The following CALN1 variants were observed in gnomAD, a reference collection of about 807,000 sequenced individuals.
The protein encoded by CALN1 is calcium-binding protein 8.
A neutral mutation model predicts 30.6 loss-of-function variants in CALN1; 17 were observed. The observed-to-expected ratio is 0.56, with a 90% CI of 0.38 to 0.83. The LOEUF (loss-of-function observed/expected upper bound fraction) is 0.83. CALN1 is among the 40% of genes least tolerant of loss of function. The probability of loss-of-function intolerance (pLI) is 0.00; values close to 1 mark genes in which losing one functional copy is unlikely to be tolerated. For synonymous variants in CALN1, 156 were observed against 131.4 expected (o/e 1.19, Z -1.28); for missense variants, 291 against 354.9 (o/e 0.82, Z 1.45).
At chr7:71,985,172 A>G (rs930236411) in intron 5 of CALN1, among the ~76,000 whole-genome samples, 2 of 152,190 alleles carry the variant, frequency 1.3e-5, no homozygotes, top group East Asian at 1.9e-4. Flanking sequence ...CAACTGGCCA[A>G]TAAAGACGGG....
rs563562649 is a variant in CALN1, at chr7:71,803,192, T to C, written c.658+7144A>G. 6.6e-5 allele frequency among the ~76,000 whole-genome samples: 10 copies of C among 152,076 alleles called. No homozygotes were observed. In the East Asian group the frequency reaches 1.5e-3, roughly 24 times the overall value. On this transcript the variant is annotated intron_variant, in intron 6 of 6. Transcript: ENST00000395275. Reference sequence around the variant, plus strand: ...TCTAATACTATGTAATGCCAGAGAGTTCCTGAATTCAGAGGGGTGAAATGA... The same window carrying C: ...TCTAATACTATGTAATGCCAGAGAGCTCCTGAATTCAGAGGGGTGAAATGA...
chr7:72,308,475 TC>T (rs1319156944), intron 2 of CALN1, among the ~76,000 whole-genome samples: 1 of 150,652 alleles, frequency 6.6e-6, no homozygotes, highest in African/African-American at 2.5e-5. Flanking sequence ...TGCAATGCCC[TC>T]CCAGTGTCAA....
intron 5 of CALN1, among the ~76,000 whole-genome samples, chr7:71,983,338 A>T (rs1385322384): frequency 6.6e-6 from 1 of 152,218 alleles, no homozygotes; most frequent in Non-Finnish European, 1.5e-5. Flanking sequence ...AAATGAGAAG[A>T]GGGTTAATCT....
intron 5 of CALN1, among the ~76,000 whole-genome samples, chr7:71,872,490 G>A (rs1000159924): frequency 6.6e-6 from 1 of 152,064 alleles, no homozygotes; most frequent in African/African-American, 2.4e-5. Context: ...CCTCAGAGAC[G>A]GTTAATGTCA....
chr7:72,209,688 T>G (rs1792252967), intron 3 of CALN1, among the ~76,000 whole-genome samples: 1 of 152,126 alleles, frequency 6.6e-6, no homozygotes, highest in African/African-American at 2.4e-5. Flanking sequence ...CTCTCTACAC[T>G]TTGGCTATCG....
intron 1 of CALN1, among the ~76,000 whole-genome samples, chr7:72,428,336 C>T (rs760798913): frequency 4.0e-4 from 61 of 151,460 alleles, no homozygotes; most frequent in South Asian, 8.4e-4. Flanking sequence ...GAAAGGGAGG[C>T]GATTTTTGGA....
At position 72,355,273 on chromosome 7, in the gene CALN1, C is replaced by T. The variant is rs556362088; in HGVS notation, c.119+47978G>A. Among the ~76,000 whole-genome samples, 66 of 152,332 alleles carry T rather than the reference C, an allele frequency of 4.3e-4. 1 individual carries two copies. In the East Asian group the frequency reaches 0.012, roughly 29 times the overall value. On this transcript the variant is annotated intron_variant, in intron 2 of 6. Coordinates refer to ENST00000395275, the MANE Select transcript of CALN1 (RefSeq NM_031468.4). ...GGCCGCTGTGGCTAACACCTATAATCTCAGCACTTGGGGAGGCCAAAGCGG... is the reference window on the plus strand; with the variant it reads ...GGCCGCTGTGGCTAACACCTATAATTTCAGCACTTGGGGAGGCCAAAGCGG...
chr7:72,155,449 G>A (rs374076803), intron 3 of CALN1, among the ~76,000 whole-genome samples: 1 of 149,266 alleles, frequency 6.7e-6, no homozygotes, highest in Non-Finnish European at 1.5e-5. Context: ...CCGAGATCAC[G>A]CCACTGCACT....
At chr7:72,224,020 G>GC (rs1473183149) in intron 3 of CALN1, among the ~76,000 whole-genome samples, 1 of 152,096 alleles carries the variant, frequency 6.6e-6, no homozygotes, top group Non-Finnish European at 1.5e-5. Context: ...AGGGAGGAAG[G>GC]CAAGGGTTAA....
At chr7:72,403,200 T>C in intron 2 of CALN1, 51 bp downstream of exon 2, 1 of 1,459,296 alleles carries the variant, frequency 6.9e-7, no homozygotes, top group East Asian at 2.5e-5. Flanking sequence ...ACCCCCTACC[T>C]GAGGGCTGCC....
At chr7:72,009,841 C>T (rs565097170) in intron 5 of CALN1, among the ~76,000 whole-genome samples, 94 of 152,192 alleles carry the variant, frequency 6.2e-4, no homozygotes, top group Non-Finnish European at 1.2e-3. Context: ...TCCCCAGCCA[C>T]GTGGAAACGT....
At chr7:71,961,329 T>TA (rs1452522633) in intron 5 of CALN1, among the ~76,000 whole-genome samples, 2 of 152,188 alleles carry the variant, frequency 1.3e-5, no homozygotes, top group African/African-American at 2.4e-5. Context: ...TAAAGACAGA[T>TA]ATTTACATCC....
At chr7:71,875,970 C>A (rs535996695) in intron 5 of CALN1, among the ~76,000 whole-genome samples, 1 of 152,140 alleles carries the variant, frequency 6.6e-6, no homozygotes, top group Non-Finnish European at 1.5e-5. Flanking sequence ...CAAGAGGAGA[C>A]CTCACCCCAA....
intron 6 of CALN1, among the ~76,000 whole-genome samples, chr7:71,790,867 G>T (rs533642787): frequency 4.6e-5 from 7 of 151,944 alleles, no homozygotes; most frequent in South Asian, 2.1e-4. Flanking sequence ...GACAGGAGGG[G>T]TGTGTGTGTG....
chr7:72,410,521 G>A (rs1479809417), intron 1 of CALN1, among the ~76,000 whole-genome samples: 2 of 152,114 alleles, frequency 1.3e-5, no homozygotes. Context: ...CACAAGCAAA[G>A]CCAAAATTTT....
intron 3 of CALN1, among the ~76,000 whole-genome samples, chr7:72,268,073 A>T (rs572258492): frequency 2.4e-4 from 37 of 152,324 alleles, no homozygotes; most frequent in Non-Finnish European, 4.9e-4. Flanking sequence ...GAAAAGGTTA[A>T]ATGAGTTAAT....
chr7:71,857,584 T>G (rs1791029937), intron 5 of CALN1, among the ~76,000 whole-genome samples: 1 of 152,118 alleles, frequency 6.6e-6, no homozygotes, highest in Admixed American at 6.6e-5. Flanking sequence ...CACCGACTCC[T>G]CTTCCCTCTC....
At chr7:72,257,324 T>C (rs777372379) in intron 3 of CALN1, among the ~76,000 whole-genome samples, 3 of 152,140 alleles carry the variant, frequency 2.0e-5, no homozygotes, top group Non-Finnish European at 4.4e-5. Context: ...AGCCAAACCA[T>C]ATCACCCCAT....
chr7:72,289,238 CT>C lies in CALN1; in HGVS notation c.120-10429del, dbSNP rs1382006258. Among the ~76,000 whole-genome samples the C allele has an allele frequency of 2.0e-5, 3 of 152,230 alleles. No homozygotes were observed. The East Asian group carries it at 5.8e-4, about 29-fold the overall frequency. On this transcript the variant is annotated intron_variant, in intron 2 of 6. Transcript: ENST00000395275. ...GGTGCTCTCCAAATCTCTTTATTCT[CT>C]TTTTGGTAAGCTCTTATTAGATGTA...
Sources: allele counts gnomAD v4.1 joint callset (sites outside exome capture counted in the v4.1 genomes callset), GRCh38; gene constraint gnomAD v4.1.1; transcripts MANE v1.5; gene names NCBI Gene and HGNC (gene_info 2026-07-23, HGNC 2026-07-21).